VPS26A: variants seen among roughly 807,000 people sequenced by gnomAD.
The protein encoded by VPS26A is VPS26 retromer complex component A.
VPS26A carries 22 observed loss-of-function variants against 42.4 expected under a neutral mutation model. The observed-to-expected ratio is 0.52, with a 90% CI of 0.37 to 0.74. VPS26A has a LOEUF of 0.74. Among genes scored for constraint, VPS26A ranks in the 30% least tolerant of loss-of-function variants. The pLI, the probability that VPS26A is intolerant of heterozygous loss-of-function variation, is 0.00. For synonymous variants in VPS26A, 110 were observed against 123.5 expected, an observed-to-expected ratio of 0.89 and a Z score of 0.73; for missense variants, 276 against 379.2, an observed-to-expected ratio of 0.73 and a Z score of 2.26.
chr10:69,147,698 T>C (rs1384280369), intron 2 of VPS26A, among the ~76,000 whole-genome samples: 1 of 152,172 alleles, frequency 6.6e-6, no homozygotes, highest in Non-Finnish European at 1.5e-5. Flanking sequence ...GGCACCTCTG[T>C]GGCATTTTAT....
intron 2 of VPS26A, among the ~76,000 whole-genome samples, chr10:69,139,953 A>G (rs34239423): frequency 0.18 from 27,331 of 151,998 alleles, 2,865 homozygotes; most frequent in Non-Finnish European, 0.23. Context: ...GTTTTGATCT[A>G]TCTTGTCTGT....
intron 2 of VPS26A, among the ~76,000 whole-genome samples, chr10:69,153,159 C>T (rs893167709): frequency 7.3e-5 from 11 of 151,290 alleles, no homozygotes; most frequent in Admixed American, 6.6e-5. Context: ...AAGTGATTCT[C>T]TTGCCTTAGC....
chr10:69,143,414 C>A (rs1841085899), intron 2 of VPS26A, among the ~76,000 whole-genome samples: 1 of 152,130 alleles, frequency 6.6e-6, no homozygotes, highest in Admixed American at 6.5e-5. Flanking sequence ...TCTTGGAGGT[C>A]TGACATCTCG....
At position 69,158,099 on chromosome 10, in the gene VPS26A, T is replaced by G; in HGVS notation, c.439T>G (p.Tyr147Asp). 1 of 1,612,990 alleles carries G rather than the reference T, an allele frequency of 6.2e-7. No homozygotes were observed. The highest frequency in any genetic ancestry group is 8.5e-7 in the Non-Finnish European group (1 of 1,179,588). The change falls in exon 5 of 9, where the codon TAT (tyrosine) becomes GAT (aspartate). Residue 147 changes from tyrosine to aspartate, a missense_variant. Physicochemically the swap from Tyr to Asp is radical, Grantham distance 160 (BLOSUM62 -3). Coordinates refer to ENST00000263559, the MANE Select transcript of VPS26A (RefSeq NM_004896.5). The part of the protein sequence containing the change: ...VRRLTDLVKE[Y>D]DLIVHQLATY... Reference sequence around the variant, plus strand: ...AAGACTGACAGATTTGGTAAAAGAGTATGATCTTATTGTTCACCAGCTTGC... The same window carrying G: ...AAGACTGACAGATTTGGTAAAAGAGGATGATCTTATTGTTCACCAGCTTGC...
intron 1 of VPS26A, among the ~76,000 whole-genome samples, chr10:69,128,702 A>G (rs1840712302): frequency 6.6e-6 from 1 of 152,020 alleles, no homozygotes; most frequent in South Asian, 2.1e-4. Context: ...GAATGAGAAA[A>G]TTAATTTTAA....
chr10:69,148,085 T>C (rs1159364975), intron 2 of VPS26A, among the ~76,000 whole-genome samples: 1 of 152,172 alleles, frequency 6.6e-6, no homozygotes, highest in Non-Finnish European at 1.5e-5. Context: ...TTTATAAATA[T>C]GAAATAGCTA....
chr10:69,134,249 T>C (rs532414439), intron 2 of VPS26A, among the ~76,000 whole-genome samples: 9 of 152,354 alleles, frequency 5.9e-5, no homozygotes, highest in African/African-American at 1.4e-4. Context: ...CATTAATTGA[T>C]ATTTATGTAT....
At position 69,153,565 on chromosome 10, in the gene VPS26A, G is replaced by A. The variant is rs1475737595; in HGVS notation, c.154-2247G>A. ...GAGCCTTGCTATATTGTCCAAGCTC[G>A]TCTTGAACTCCTGACCTTAATTAAG... On this transcript the variant is annotated intron_variant, in intron 2 of 8. Coordinates refer to ENST00000263559, the MANE Select transcript of VPS26A (RefSeq NM_004896.5). Among the ~76,000 whole-genome samples, 7 of 146,538 alleles carry A rather than the reference G, an allele frequency of 4.8e-5. No individual in the cohort carries two copies. In the East Asian group the frequency reaches 1.2e-3, roughly 25 times the overall value.
At position 69,134,782 on chromosome 10, in the gene VPS26A, C is replaced by T. The variant is rs367764895; in HGVS notation, c.153+1735C>T. ...TTTTCAACTTTACTTCCCTTTTATT[C>T]TTCCTTTTAAAAGATGAAAAAAGAA... On this transcript the variant is annotated intron_variant, in intron 2 of 8. Transcript: ENST00000263559. 9.9e-5 allele frequency among the ~76,000 whole-genome samples: 15 copies of T among 151,208 alleles called. 1 individual carries two copies. The East Asian group carries it at 1.4e-3, about 14-fold the overall frequency.
chr10:69,173,564 T>C lies in VPS26A; in HGVS notation c.*2295T>C, dbSNP rs961796657. On this transcript the variant is annotated 3_prime_UTR_variant, in exon 9 of 9. Coordinates refer to ENST00000263559, the MANE Select transcript of VPS26A (RefSeq NM_004896.5). ...TTTGAGAGGTGAAGCCAGCTGGACT[T>C]CTGAGTTGCGTGGGGACTTGGAGAA... is the stretch of plus-strand genomic sequence containing the variant. 6.6e-6 allele frequency among the ~76,000 whole-genome samples: 1 copy of C among 152,188 alleles called. No homozygotes were observed. Among genetic ancestry groups the C allele is most frequent in the Non-Finnish European group, 1.5e-5 (1 of 68,030 alleles).
chr10:69,126,565 CAAAAAAAAAAAA>C (rs60734904), intron 1 of VPS26A, among the ~76,000 whole-genome samples: 1 of 135,760 alleles, frequency 7.4e-6, no homozygotes, highest in African/African-American at 3.1e-5. Flanking sequence ...GACTCCGTCT[CAAAAAAAAAAAA>C]AAAAAAAAAA....
intron 5 of VPS26A, among the ~76,000 whole-genome samples, chr10:69,160,404 C>T (rs1226830621): frequency 4.6e-5 from 7 of 151,758 alleles, no homozygotes; most frequent in African/African-American, 1.2e-4. Flanking sequence ...ATGATCCACC[C>T]GCCTTGGCCT....
At chr10:69,152,126 T>G (rs1174881957) in intron 2 of VPS26A, among the ~76,000 whole-genome samples, 1 of 152,076 alleles carries the variant, frequency 6.6e-6, no homozygotes, top group Non-Finnish European at 1.5e-5. Flanking sequence ...GGAGAATCAC[T>G]TGAGCCTGGC....
chr10:69,137,862 G>GATAT lies in VPS26A; in HGVS notation c.153+4832_153+4835dup, dbSNP rs745881334. 1.0e-3 allele frequency among the ~76,000 whole-genome samples: 146 copies of GATAT among 144,866 alleles called. 3 individuals are homozygous for GATAT. Among genetic ancestry groups the GATAT allele is most frequent in the African/African-American group, 3.1e-3 (116 of 36,836 alleles). The stretch of plus-strand genomic sequence containing the variant: ...TTTTTCTTTTTTTAAGCTGTATTGA[G>GATAT]ATATATATATATATATATATTCGCC... On this transcript the variant is annotated intron_variant, in intron 2 of 8. Coordinates refer to ENST00000263559, the MANE Select transcript of VPS26A (RefSeq NM_004896.5).
chr10:69,153,206 C>T (rs1209598390), intron 2 of VPS26A, among the ~76,000 whole-genome samples: 2 of 151,758 alleles, frequency 1.3e-5, no homozygotes, highest in Non-Finnish European at 2.9e-5. Context: ...TGTGCCACCA[C>T]GTCCAGCTAA....
intron 8 of VPS26A, chr10:69,170,498 G>T (rs1841792535): frequency 6.6e-6 from 1 of 152,168 alleles, no homozygotes; most frequent in South Asian, 2.1e-4. Context: ...AAGTTCTCAG[G>T]ATGGATTGGT....
intron 8 of VPS26A, among the ~76,000 whole-genome samples, chr10:69,169,447 G>A (rs575058998): frequency 1.3e-5 from 2 of 151,804 alleles, no homozygotes; most frequent in East Asian, 1.9e-4. Context: ...ACAGAGTCTC[G>A]CTACAGGTTA....
intron 2 of VPS26A, among the ~76,000 whole-genome samples, chr10:69,151,097 C>T (rs1411213396): frequency 1.3e-5 from 2 of 151,472 alleles, no homozygotes; most frequent in Non-Finnish European, 2.9e-5. Flanking sequence ...AACCCCGTCT[C>T]TACTAAAAAT....
At chr10:69,137,795 C>G (rs924813267) in intron 2 of VPS26A, among the ~76,000 whole-genome samples, 3 of 151,606 alleles carry the variant, frequency 2.0e-5, no homozygotes, top group Non-Finnish European at 4.4e-5. Context: ...CTGCCTACCA[C>G]ATTTGTATTG....
Sources: gnomAD v4.1 joint callset for allele counts (sites outside exome capture counted in the v4.1 genomes callset) on GRCh38, gnomAD v4.1.1 for gene constraint, MANE v1.5 for transcripts, NCBI Gene and HGNC (gene_info 2026-07-23, HGNC 2026-07-21) for gene names.